USP13: variants seen among roughly 807,000 people sequenced by gnomAD.
The protein encoded by USP13 is ubiquitin specific peptidase 13.
USP13 carries 68 observed loss-of-function variants against 107.8 expected under a neutral mutation model. That is an observed-to-expected ratio of 0.63 (90% CI 0.52 to 0.77). The LOEUF (loss-of-function observed/expected upper bound fraction) is 0.77, where lower values mean the gene tolerates loss of function less well. Ranked by LOEUF, USP13 falls within the 30% of genes least tolerant of loss-of-function variation. USP13 has a pLI of 0.00. For synonymous variants in USP13, 377 were observed against 389.5 expected, an observed-to-expected ratio of 0.97 and a Z score of 0.38; for missense variants, 945 against 1,093.3, an observed-to-expected ratio of 0.86 and a Z score of 1.91.
intron 19 of USP13, among the ~76,000 whole-genome samples, chr3:179,769,096 G>T (rs1468093857): frequency 2.6e-5 from 4 of 152,010 alleles, no homozygotes; most frequent in Admixed American, 2.6e-4. Context: ...TAAATCTAAG[G>T]TTGTTTAAAT....
intron 8 of USP13, among the ~76,000 whole-genome samples, chr3:179,728,211 A>G (rs1713631599): frequency 7.3e-6 from 1 of 137,820 alleles, no homozygotes; most frequent in Admixed American, 7.2e-5. Context: ...TGACCCCCCC[A>G]CCTCCCTGCC....
At chr3:179,750,367 CAG>C (rs1239310090) in intron 13 of USP13, among the ~76,000 whole-genome samples, 3 of 139,278 alleles carry the variant, frequency 2.2e-5, no homozygotes, top group East Asian at 2.1e-4. Context: ...AAATATCAGA[CAG>C]AGTTTGTTGT....
intron 10 of USP13, among the ~76,000 whole-genome samples, chr3:179,737,956 G>T (rs113774819): frequency 2.0e-5 from 3 of 152,324 alleles, no homozygotes; most frequent in Admixed American, 6.5e-5. Context: ...AGAAAACACT[G>T]CATAGAACAT....
rs757684032 is a variant in USP13, at chr3:179,653,442, A to G, written c.168+49A>G. ...GGTCGCGGGGCCGGCGGCCTGCGGCACGTGAAGCCGGGGGAGAAGATGCGC... is the reference window on the plus strand; with the variant it reads ...GGTCGCGGGGCCGGCGGCCTGCGGCGCGTGAAGCCGGGGGAGAAGATGCGC... On this transcript the variant is annotated intron_variant, in intron 1 of 20. Coordinates refer to ENST00000263966, the MANE Select transcript of USP13 (RefSeq NM_003940.3). This position sits in a 1 kb window ranked among gnomAD's most constrained non-coding sequence, Gnocchi z 4.0. 13 of 1,530,668 alleles carry G rather than the reference A, an allele frequency of 8.5e-6. No individual in the cohort carries two copies. The highest frequency in any genetic ancestry group is 1.1e-5 in the Non-Finnish European group (13 of 1,135,102). The allele number at this position is 1,530,668 out of a possible 1,614,324, so 94.8% of individuals were successfully genotyped here.
intron 7 of USP13, among the ~76,000 whole-genome samples, chr3:179,720,754 A>G (rs1284240779): frequency 6.9e-6 from 1 of 145,542 alleles, no homozygotes; most frequent in Non-Finnish European, 1.5e-5. Context: ...TTTGATTCCT[A>G]TTTGTTCTTC....
chr3:179,656,689 A>G (rs1044705262), intron 1 of USP13, among the ~76,000 whole-genome samples: 1 of 152,144 alleles, frequency 6.6e-6, no homozygotes, highest in African/African-American at 2.4e-5. Flanking sequence ...TTCAAGACTG[A>G]ATTCAAGTGG....
At chr3:179,715,849 T>C (rs1201603123) in intron 6 of USP13, among the ~76,000 whole-genome samples, 1 of 152,152 alleles carries the variant, frequency 6.6e-6, no homozygotes, top group African/African-American at 2.4e-5. Flanking sequence ...TATTACTTGG[T>C]GTTTGACCAG....
At chr3:179,672,448 G>A (rs981873032) in intron 1 of USP13, among the ~76,000 whole-genome samples, 3 of 149,862 alleles carry the variant, frequency 2.0e-5, no homozygotes, top group Admixed American at 6.7e-5. Context: ...GCAATGGCGC[G>A]ATCTTGGCTC....
At chr3:179,751,064 G>GT (rs1465034519) in intron 13 of USP13, among the ~76,000 whole-genome samples, 1 of 152,144 alleles carries the variant, frequency 6.6e-6, no homozygotes, top group Non-Finnish European at 1.5e-5. Flanking sequence ...ATTTTAAAAG[G>GT]TATCTGTGAT....
At chr3:179,679,401 T>C (rs927477527) in intron 1 of USP13, among the ~76,000 whole-genome samples, 6 of 152,188 alleles carry the variant, frequency 3.9e-5, no homozygotes, top group Non-Finnish European at 8.8e-5. Flanking sequence ...AAATGCACTG[T>C]AAGGAATTTT....
At chr3:179,745,658 A>G (rs1714380616) in intron 13 of USP13, among the ~76,000 whole-genome samples, 1 of 152,146 alleles carries the variant, frequency 6.6e-6, no homozygotes, top group Non-Finnish European at 1.5e-5. Flanking sequence ...TTATTCATGA[A>G]GAAATTACAA....
chr3:179,705,611 C>A (rs1020633536), intron 4 of USP13, among the ~76,000 whole-genome samples: 5 of 152,166 alleles, frequency 3.3e-5, no homozygotes, highest in Admixed American at 3.3e-4. Flanking sequence ...ATATTTCATT[C>A]TTTTTTATTG....
At chr3:179,689,287 T>A (rs1278256276) in intron 2 of USP13, among the ~76,000 whole-genome samples, 1 of 152,188 alleles carries the variant, frequency 6.6e-6, no homozygotes, top group Non-Finnish European at 1.5e-5. Flanking sequence ...GAGCATCAGA[T>A]GAATGGCCTC....
intron 1 of USP13, among the ~76,000 whole-genome samples, chr3:179,676,003 G>A (rs1285225683): frequency 6.6e-6 from 1 of 152,166 alleles, no homozygotes; most frequent in Non-Finnish European, 1.5e-5. Flanking sequence ...GGAGGGACCT[G>A]GTGGGAGATA....
At chr3:179,777,971 A>T (rs552429561) in intron 19 of USP13, among the ~76,000 whole-genome samples, 7 of 152,288 alleles carry the variant, frequency 4.6e-5, no homozygotes, top group Non-Finnish European at 7.4e-5. Context: ...ACAGAACTGG[A>T]GGGCAGACAA....
At position 179,653,997 on chromosome 3, in the gene USP13, G is replaced by C. The variant is rs1045476681; in HGVS notation, c.168+604G>C. ...GGCGGAGGCGGGCGGATCGTTTGAG[G>C]TCAGGAGTTCGAGACCAGCCTGGCT... On this transcript the variant is annotated intron_variant, in intron 1 of 20. Transcript: ENST00000263966. This position sits in a 1 kb window ranked among gnomAD's most constrained non-coding sequence, Gnocchi z 4.0. Among the ~76,000 whole-genome samples, 5 of 152,032 alleles carry C rather than the reference G, an allele frequency of 3.3e-5. No homozygotes were observed. The highest frequency in any genetic ancestry group is 1.2e-4 in the African/African-American group (5 of 41,400).
intron 16 of USP13, among the ~76,000 whole-genome samples, chr3:179,760,529 C>T (rs549620092): frequency 4.6e-5 from 7 of 151,990 alleles, no homozygotes; most frequent in South Asian, 2.1e-4. Context: ...ATAATCCGCC[C>T]GCCTCGGCCT....
At chr3:179,712,838 T>G (rs1478967923) in intron 6 of USP13, among the ~76,000 whole-genome samples, 1 of 152,180 alleles carries the variant, frequency 6.6e-6, no homozygotes, top group Non-Finnish European at 1.5e-5. Context: ...AGTACCCATT[T>G]CAACAAATCC....
intron 10 of USP13, among the ~76,000 whole-genome samples, chr3:179,738,715 G>A (rs941200489): frequency 1.3e-5 from 2 of 152,180 alleles, no homozygotes; most frequent in Admixed American, 6.5e-5. Flanking sequence ...TAGATTCCTT[G>A]TGATTTTCTG....
Sources: allele counts gnomAD v4.1 joint callset (sites outside exome capture counted in the v4.1 genomes callset), GRCh38; gene constraint gnomAD v4.1.1; non-coding constraint Gnocchi (gnomAD v3.1); transcripts MANE v1.5; gene names NCBI Gene and HGNC (gene_info 2026-07-23, HGNC 2026-07-21).